LRRC7: variants seen among roughly 807,000 people sequenced by gnomAD.
LRRC7 encodes leucine rich repeat containing 7.
In LRRC7, 23 loss-of-function variants were observed where a neutral mutation model predicts 175.7. The ratio of observed to expected loss-of-function variants is 0.13; its 90% CI spans 0.09 to 0.19. The LOEUF is 0.19. Among genes scored for constraint, LRRC7 ranks in the 10% least tolerant of loss-of-function variants. The pLI, the probability that LRRC7 is intolerant of heterozygous loss-of-function variation, is 1.00. For missense variants in LRRC7, 1,354 were observed against 1,904.7 expected (o/e 0.71, Z 5.38); for synonymous variants, 685 against 680.9 (o/e 1.01, Z -0.09).
chr1:69,655,978 C>A (rs1656550180), intron 1 of LRRC7, among the ~76,000 whole-genome samples: 2 of 151,908 alleles, frequency 1.3e-5, no homozygotes, highest in Admixed American at 1.3e-4. Flanking sequence ...TTCATATTTA[C>A]ATTGTTTTCC....
intron 5 of LRRC7, among the ~76,000 whole-genome samples, chr1:69,827,630 G>A (rs1175881531): frequency 6.6e-6 from 1 of 152,096 alleles, no homozygotes; most frequent in Non-Finnish European, 1.5e-5. Flanking sequence ...AGGATCGCAT[G>A]AGTTTAAGAT....
intron 1 of LRRC7, among the ~76,000 whole-genome samples, chr1:69,637,122 C>T (rs1377330581): frequency 6.6e-6 from 1 of 151,616 alleles, no homozygotes; most frequent in African/African-American, 2.4e-5. Flanking sequence ...CCCCCGCACA[C>T]AGAGTTTATA....
intron 3 of LRRC7, among the ~76,000 whole-genome samples, chr1:69,774,056 G>A (rs1672540125): frequency 6.6e-6 from 1 of 152,076 alleles, no homozygotes; most frequent in South Asian, 2.1e-4. Flanking sequence ...AGCAAAATGG[G>A]TCACAGGTGA....
intron 8 of LRRC7, among the ~76,000 whole-genome samples, chr1:69,944,570 GA>G (rs1373957541): frequency 6.6e-6 from 1 of 151,864 alleles, no homozygotes; most frequent in Non-Finnish European, 1.5e-5. Flanking sequence ...TTAATTTTTT[GA>G]AGAAACTTCA....
intron 2 of LRRC7, among the ~76,000 whole-genome samples, chr1:69,732,894 T>C (rs1455239120): frequency 6.6e-6 from 1 of 152,006 alleles, no homozygotes; most frequent in African/African-American, 2.4e-5. Flanking sequence ...TTCCATACAT[T>C]CCTGAGAAGG....
chr1:69,919,819 C>T (rs1557888461), intron 7 of LRRC7: 9 of 753,670 alleles, frequency 1.2e-5, no homozygotes, highest in African/African-American at 1.7e-5. Flanking sequence ...CCGGCATCCA[C>T]GTCATTGTCC....
At chr1:69,947,888 G>T (rs377745472) in intron 8 of LRRC7, among the ~76,000 whole-genome samples, 1 of 151,842 alleles carries the variant, frequency 6.6e-6, no homozygotes, top group South Asian at 2.1e-4. Context: ...ACAATATACT[G>T]TAAAAAAAAG....
In LRRC7 at chr1:69,939,001, ATATATATATATATC is replaced by A. The variant is rs1490581665; in HGVS notation, c.711+7445_711+7458del. Among the ~76,000 whole-genome samples, 6 of 98,100 alleles carry A rather than the reference ATATATATATATATC, an allele frequency of 6.1e-5. 1 individual carries two copies. The highest frequency in any genetic ancestry group is 1.4e-4 in the African/African-American group (4 of 27,960). 64.4% of individuals were successfully genotyped at this position (98,100 alleles called of 152,430 possible). A position where few individuals can be genotyped will look rare whatever the true frequency, so the allele number is the denominator to read the frequency against. On this transcript the variant is annotated intron_variant, in intron 8 of 26. Transcript: ENST00000651989. ...AAGCCACTAAGGCTGTAGATTATAT[ATATATATATATATC>A]TATATATATATATATCTATATATAT...
chr1:70,007,817 A>G (rs535846695), intron 11 of LRRC7, among the ~76,000 whole-genome samples: 172 of 152,210 alleles, frequency 1.1e-3, no homozygotes, highest in African/African-American at 4.0e-3. Flanking sequence ...CATTCTTTTC[A>G]TCACACTTTC....
At chr1:69,971,587 G>C (rs1652242554) in intron 8 of LRRC7, among the ~76,000 whole-genome samples, 2 of 151,964 alleles carry the variant, frequency 1.3e-5, no homozygotes, top group African/African-American at 4.8e-5. Flanking sequence ...CCTCTACAAG[G>C]AAAACAACAA....
intron 7 of LRRC7, among the ~76,000 whole-genome samples, chr1:69,854,301 T>G (rs1361205996): frequency 6.6e-6 from 1 of 152,028 alleles, no homozygotes; most frequent in East Asian, 1.9e-4. Flanking sequence ...AGTTTGAGAC[T>G]AGCCTGGACA....
Position 70,138,304 on chromosome 1 carries a change from G to C in LRRC7, c.*16417G>C, listed in dbSNP as rs769816518. ...TGAAAGGTATTGAAAAAAAAGCTCT[G>C]TATCTTTGTATATTCAGTTGTCAAC... On this transcript the variant is annotated 3_prime_UTR_variant, in exon 27 of 27. Transcript: ENST00000651989. 1.3e-5 allele frequency: 2 copies of C among 152,098 alleles called. No individual in the cohort carries two copies. Among genetic ancestry groups the C allele is most frequent in the Non-Finnish European group, 2.9e-5 (2 of 68,020 alleles). 9.4% of individuals were successfully genotyped at this position (152,098 alleles called of 1,614,324 possible).
intron 3 of LRRC7, among the ~76,000 whole-genome samples, chr1:69,782,385 C>T (rs918917004): frequency 1.3e-5 from 2 of 152,196 alleles, no homozygotes; most frequent in African/African-American, 2.4e-5. Context: ...GTACAGAACA[C>T]TACAAAAGTA....
At chr1:69,639,582 GGGTTTT>G (rs1653897566) in intron 1 of LRRC7, among the ~76,000 whole-genome samples, 1 of 151,706 alleles carries the variant, frequency 6.6e-6, no homozygotes, top group Admixed American at 6.6e-5. Context: ...ATCTTTAAAG[GGGTTTT>G]AGATTTCTGG....
chr1:69,779,257 A>C (rs1210685650), intron 3 of LRRC7, among the ~76,000 whole-genome samples: 1 of 152,166 alleles, frequency 6.6e-6, no homozygotes, highest in Non-Finnish European at 1.5e-5. Flanking sequence ...AAGCATGCTC[A>C]TCCACACATA....
intron 2 of LRRC7, among the ~76,000 whole-genome samples, chr1:69,713,163 T>G (rs1664969414): frequency 6.6e-6 from 1 of 152,172 alleles, no homozygotes; most frequent in Admixed American, 6.5e-5. Flanking sequence ...AATACCCTTC[T>G]TCTAAGGAGA....
chr1:69,787,237 G>A (rs1294856223), intron 3 of LRRC7, among the ~76,000 whole-genome samples: 5 of 152,144 alleles, frequency 3.3e-5, no homozygotes, highest in Admixed American at 2.0e-4. Flanking sequence ...CGCAGGGTAC[G>A]GCCCCCCTCC....
intron 25 of LRRC7, among the ~76,000 whole-genome samples, chr1:70,098,971 T>C (rs991632286): frequency 3.9e-5 from 6 of 152,298 alleles, no homozygotes; most frequent in African/African-American, 1.4e-4. Flanking sequence ...ACTCATTTTA[T>C]GAGGCCAGCA....
intron 7 of LRRC7, among the ~76,000 whole-genome samples, chr1:69,905,229 T>C (rs1303648899): frequency 6.6e-6 from 1 of 150,402 alleles, no homozygotes; most frequent in Non-Finnish European, 1.5e-5. Flanking sequence ...CTGGATCAAA[T>C]GGTAATTCTG....
Sources: gnomAD v4.1 joint callset for allele counts (sites outside exome capture counted in the v4.1 genomes callset) on GRCh38, gnomAD v4.1.1 for gene constraint, MANE v1.5 for transcripts, NCBI Gene and HGNC (gene_info 2026-07-23, HGNC 2026-07-21) for gene names.